Variants in DYNC1I1 observed in about 807,000 individuals in gnomAD.
DYNC1I1 encodes the protein dynein cytoplasmic 1 intermediate chain 1.
In DYNC1I1, 43 loss-of-function variants were observed where a neutral mutation model predicts 86.6. That is an observed-to-expected ratio of 0.50 (90% CI 0.39 to 0.64). The LOEUF (loss-of-function observed/expected upper bound fraction) is 0.64. DYNC1I1 is among the 30% of genes least tolerant of loss of function. The pLI, the probability that DYNC1I1 is intolerant of heterozygous loss-of-function variation, is 0.00. For synonymous variants in DYNC1I1, 262 were observed against 283.7 expected, an observed-to-expected ratio of 0.92 and a Z score of 0.77; for missense variants, 604 against 788.8, an observed-to-expected ratio of 0.77 and a Z score of 2.81.
At chr7:95,791,735 G>T (rs143152835) in intron 1 of DYNC1I1, among the ~76,000 whole-genome samples, 1 of 152,062 alleles carries the variant, frequency 6.6e-6, no homozygotes, top group South Asian at 2.1e-4. Flanking sequence ...TTTTAGAGTC[G>T]GAAAACAGAG....
intron 9 of DYNC1I1, among the ~76,000 whole-genome samples, chr7:95,991,713 G>A (rs1361535007): frequency 1.3e-5 from 2 of 152,086 alleles, no homozygotes; most frequent in East Asian, 1.9e-4. Flanking sequence ...GATACCAAGA[G>A]GGGTCTCCTG....
At chr7:95,921,241 T>G (rs2116377175) in intron 6 of DYNC1I1, among the ~76,000 whole-genome samples, 1 of 152,304 alleles carries the variant, frequency 6.6e-6, no homozygotes, top group South Asian at 2.1e-4. Context: ...TGTGTAAAAT[T>G]TACCCTGCAT....
intron 6 of DYNC1I1, among the ~76,000 whole-genome samples, chr7:95,927,093 T>G (rs999608001): frequency 8.5e-5 from 13 of 152,168 alleles, no homozygotes; most frequent in Non-Finnish European, 1.5e-4. Context: ...TAATTCTGTT[T>G]ACAGATGATT....
At chr7:95,836,786 A>C (rs1360451748) in intron 5 of DYNC1I1, among the ~76,000 whole-genome samples, 1 of 151,798 alleles carries the variant, frequency 6.6e-6, no homozygotes, top group Non-Finnish European at 1.5e-5. Context: ...TGCATTCTTC[A>C]CGTAGTTCTT....
intron 5 of DYNC1I1, among the ~76,000 whole-genome samples, chr7:95,838,234 G>A (rs894157262): frequency 6.6e-6 from 1 of 152,102 alleles, no homozygotes; most frequent in Non-Finnish European, 1.5e-5. Context: ...GTGATATAAA[G>A]ATCCAATTTC....
chr7:95,797,911 T>C (rs1794480622), intron 1 of DYNC1I1, among the ~76,000 whole-genome samples: 2 of 152,202 alleles, frequency 1.3e-5, no homozygotes, highest in African/African-American at 4.8e-5. Flanking sequence ...GTTAAAAAGA[T>C]ATGTGAAAAT....
intron 14 of DYNC1I1, among the ~76,000 whole-genome samples, chr7:96,061,743 AAC>A (rs147856984): frequency 1.8e-3 from 238 of 131,800 alleles, no homozygotes; most frequent in African/African-American, 5.2e-3. Context: ...CACGCACACA[AAC>A]ACACACACAC....
intron 14 of DYNC1I1, among the ~76,000 whole-genome samples, chr7:96,054,972 A>T (rs1407650512): frequency 6.6e-6 from 1 of 152,130 alleles, no homozygotes; most frequent in South Asian, 2.1e-4. Context: ...TAGTTGTATT[A>T]GATCTCATTT....
rs911017411 is a variant in DYNC1I1 at position 96,040,652 on chromosome 7, A to G, written c.1509+1231A>G. Among the ~76,000 whole-genome samples the G allele has an allele frequency of 2.6e-5, 4 of 152,252 alleles. No individual in the cohort carries two copies. The East Asian group carries it at 7.7e-4, about 29-fold the overall frequency. ...TAAGCAGTTTGATATGTGAGTCAGA[A>G]GAAGAGAGAGCCCTCCAAACAGAAC... On this transcript the variant is annotated intron_variant, in intron 14 of 16. Coordinates refer to ENST00000447467, the MANE Select transcript of DYNC1I1 (RefSeq NM_001135556.2).
intron 10 of DYNC1I1, among the ~76,000 whole-genome samples, chr7:96,012,585 A>G (rs544374509): frequency 8.1e-4 from 123 of 152,274 alleles, no homozygotes; most frequent in African/African-American, 2.5e-3. Context: ...CAAAACATAA[A>G]CTCAGGTGAA....
At chr7:95,806,947 C>G (rs542653521) in intron 2 of DYNC1I1, among the ~76,000 whole-genome samples, 7 of 152,198 alleles carry the variant, frequency 4.6e-5, no homozygotes, top group African/African-American at 1.7e-4. Flanking sequence ...CTGGATCTGC[C>G]CTTCACAGAA....
intron 6 of DYNC1I1, among the ~76,000 whole-genome samples, chr7:95,975,645 C>T (rs1053243256): frequency 6.6e-6 from 1 of 152,164 alleles, no homozygotes; most frequent in Non-Finnish European, 1.5e-5. Context: ...ATTACTTCAA[C>T]ATATGAATTT....
intron 5 of DYNC1I1, among the ~76,000 whole-genome samples, chr7:95,840,063 A>C (rs1281993597): frequency 1.9e-5 from 2 of 105,376 alleles, no homozygotes; most frequent in African/African-American, 9.5e-5. Context: ...CATCTTTGGG[A>C]TTATCTTATA....
chr7:95,789,043 A>C (rs1383531337), intron 1 of DYNC1I1, among the ~76,000 whole-genome samples: 1 of 152,204 alleles, frequency 6.6e-6, no homozygotes, highest in Non-Finnish European at 1.5e-5. Flanking sequence ...AGATGGTTGA[A>C]ACCGACTCTA....
chr7:96,011,084 T>C (rs1239372257), intron 10 of DYNC1I1, among the ~76,000 whole-genome samples: 1 of 152,184 alleles, frequency 6.6e-6, no homozygotes, highest in Non-Finnish European at 1.5e-5. Context: ...TTCTACCAAT[T>C]TCTTCAACAC....
At chr7:95,786,315 G>A (rs563465003) in intron 1 of DYNC1I1, among the ~76,000 whole-genome samples, 18 of 152,132 alleles carry the variant, frequency 1.2e-4, no homozygotes, top group Admixed American at 3.9e-4. Context: ...TCCCCAGTTC[G>A]CATCCTACTC....
chr7:95,830,791 C>A (rs536717485), intron 5 of DYNC1I1, among the ~76,000 whole-genome samples: 5 of 152,224 alleles, frequency 3.3e-5, no homozygotes, highest in African/African-American at 1.2e-4. Flanking sequence ...AAACTGTTTT[C>A]AAAATGGTTT....
At chr7:96,071,030 T>A (rs1790144374) in intron 14 of DYNC1I1, among the ~76,000 whole-genome samples, 1 of 152,206 alleles carries the variant, frequency 6.6e-6, no homozygotes, top group Non-Finnish European at 1.5e-5. Flanking sequence ...TTTCATTTTT[T>A]AAACAGATTT....
intron 6 of DYNC1I1, among the ~76,000 whole-genome samples, chr7:95,970,493 G>A (rs918779627): frequency 6.6e-6 from 1 of 152,184 alleles, no homozygotes; most frequent in South Asian, 2.1e-4. Context: ...TGCTGGGGAA[G>A]AGAGAAGTGT....
Sources: gnomAD v4.1 joint callset for allele counts (sites outside exome capture counted in the v4.1 genomes callset) on GRCh38, gnomAD v4.1.1 for gene constraint, MANE v1.5 for transcripts, NCBI Gene and HGNC (gene_info 2026-07-23, HGNC 2026-07-21) for gene names.